The following RAPGEF2 variants were observed in gnomAD, a reference collection of about 807,000 sequenced individuals.
RAPGEF2 encodes PDZ domain containing guanine nucleotide exchange factor (GEF) 1.
A neutral mutation model predicts 186.7 loss-of-function variants in RAPGEF2; 54 were observed. The observed-to-expected ratio is 0.29, with a 90% CI of 0.23 to 0.36. The LOEUF (loss-of-function observed/expected upper bound fraction) is 0.36, where lower values mean the gene tolerates loss of function less well. RAPGEF2 is among the 10% of genes least tolerant of loss of function. The pLI is 1.00. For missense variants in RAPGEF2, 1,532 were observed against 2,045.0 expected, an observed-to-expected ratio of 0.75 and a Z score of 4.84; for synonymous variants, 712 against 705.9, an observed-to-expected ratio of 1.01 and a Z score of -0.14.
At chr4:159,260,851 T>C (rs890056254) in intron 7 of RAPGEF2, among the ~76,000 whole-genome samples, 1 of 152,044 alleles carries the variant, frequency 6.6e-6, no homozygotes, top group African/African-American at 2.4e-5. Context: ...CAGGTTCAAG[T>C]GATTCTCCTT....
intron 7 of RAPGEF2, among the ~76,000 whole-genome samples, chr4:159,297,455 T>C (rs1436787823): frequency 6.6e-6 from 1 of 152,220 alleles, no homozygotes; most frequent in Admixed American, 6.5e-5. Context: ...CAAGTTGTTA[T>C]CACTTTGAGA....
At chr4:159,344,933 C>G (rs1278875630) in intron 23 of RAPGEF2, among the ~76,000 whole-genome samples, 173 bp from the exon 24 acceptor site, 1 of 152,138 alleles carries the variant, frequency 6.6e-6, no homozygotes, top group African/African-American at 2.4e-5. Flanking sequence ...GTGTAATTTT[C>G]TTTAAATTTT....
chr4:159,131,519 A>ATTGGTTTTTTTTTTTTTTTTTTTTT, intron 1 of RAPGEF2, among the ~76,000 whole-genome samples: 1 of 37,212 alleles, frequency 2.7e-5, no homozygotes. Flanking sequence ...ATTAATTGCT[A>ATTGGTTTTTTTTTTTTTTTTTTTTT]TTTTTTTTTT....
intron 9 of RAPGEF2, among the ~76,000 whole-genome samples, chr4:159,315,808 C>A (rs1046101108): frequency 1.3e-5 from 2 of 152,116 alleles, no homozygotes; most frequent in Non-Finnish European, 2.9e-5. Flanking sequence ...TTTACTGCTG[C>A]GATCTAGAAG....
intron 1 of RAPGEF2, among the ~76,000 whole-genome samples, chr4:159,164,317 TTTC>T (rs1203443581): frequency 6.6e-6 from 1 of 151,896 alleles, no homozygotes; most frequent in African/African-American, 2.4e-5. Flanking sequence ...TTTTTTTTTT[TTTC>T]CTTCTTCTTC....
intron 1 of RAPGEF2, among the ~76,000 whole-genome samples, chr4:159,124,492 G>T (rs1740066422): frequency 6.6e-6 from 1 of 152,050 alleles, no homozygotes. Flanking sequence ...TGAGCCAAGA[G>T]CACACCACTG....
At chr4:159,131,860 C>T (rs1268327642) in intron 1 of RAPGEF2, among the ~76,000 whole-genome samples, 1 of 151,692 alleles carries the variant, frequency 6.6e-6, no homozygotes, top group Non-Finnish European at 1.5e-5. Flanking sequence ...CTTTGTAGGG[C>T]CATAGGTGGG....
intron 8 of RAPGEF2, among the ~76,000 whole-genome samples, chr4:159,309,074 A>G (rs1214182165): frequency 6.6e-6 from 1 of 152,164 alleles, no homozygotes; most frequent in Non-Finnish European, 1.5e-5. Flanking sequence ...TTCACCCAGG[A>G]CTGAAGTTTG....
chr4:159,320,234 A>G (rs575001315), intron 9 of RAPGEF2, among the ~76,000 whole-genome samples: 2 of 152,286 alleles, frequency 1.3e-5, no homozygotes, highest in South Asian at 4.2e-4. Flanking sequence ...ATTTGCCTTT[A>G]TAATGCAAAT....
At chr4:159,323,776 C>T (rs1259388953) in intron 11 of RAPGEF2, among the ~76,000 whole-genome samples, 159 bp downstream of exon 11, 10 of 147,596 alleles carry the variant, frequency 6.8e-5, no homozygotes, top group South Asian at 2.1e-4. Context: ...TGGAGTGCAG[C>T]GGCACAAGCT....
At chr4:159,115,071 C>CT (rs1264006631) in intron 1 of RAPGEF2, among the ~76,000 whole-genome samples, 1 of 152,086 alleles carries the variant, frequency 6.6e-6, no homozygotes, top group Non-Finnish European at 1.5e-5. Context: ...GTATCTATGC[C>CT]TTTACATTTA....
chr4:159,286,171 A>G (rs555844765), intron 7 of RAPGEF2, among the ~76,000 whole-genome samples: 100 of 151,684 alleles, frequency 6.6e-4, no homozygotes, highest in Non-Finnish European at 1.3e-4. Context: ...TGGGGTTGCC[A>G]TCTATGCACA....
intron 1 of RAPGEF2, among the ~76,000 whole-genome samples, chr4:159,166,104 G>A (rs1745282344): frequency 1.3e-5 from 2 of 152,038 alleles, no homozygotes; most frequent in South Asian, 4.1e-4. Flanking sequence ...CACAAGGTTG[G>A]GAGTTTGAAA....
At chr4:159,273,379 G>A (rs1350167673) in intron 7 of RAPGEF2, among the ~76,000 whole-genome samples, 4 of 152,300 alleles carry the variant, frequency 2.6e-5, no homozygotes, top group South Asian at 4.1e-4. Context: ...CTGCTTATAT[G>A]TGCTTTTTGT....
chr4:159,350,027 C>A, intron 25 of RAPGEF2, 110 bp from the exon 26 acceptor site: 1 of 622,258 alleles, frequency 1.6e-6, no homozygotes, highest in Non-Finnish European at 2.6e-6. Context: ...ATAGGTTGAA[C>A]CTCAGTGTAA....
intron 1 of RAPGEF2, among the ~76,000 whole-genome samples, chr4:159,111,341 T>G (rs1389702476): frequency 6.6e-6 from 1 of 152,252 alleles, no homozygotes; most frequent in Non-Finnish European, 1.5e-5. Context: ...TTCCGCTGGC[T>G]GTTGTTTCTC....
At chr4:159,332,291 G>T (rs1038143141) in intron 16 of RAPGEF2, among the ~76,000 whole-genome samples, 160 bp from the exon 17 acceptor site, 1 of 151,922 alleles carries the variant, frequency 6.6e-6, no homozygotes, top group Non-Finnish European at 1.5e-5. Context: ...CAGATTTGGC[G>T]TGATTCGTTT....
chr4:159,278,827 A>C (rs191031157), intron 7 of RAPGEF2, among the ~76,000 whole-genome samples: 35 of 152,356 alleles, frequency 2.3e-4, no homozygotes, highest in Middle Eastern at 6.8e-3. Flanking sequence ...AAAACCTATA[A>C]AGTACTTAGA....
At chr4:159,167,521 C>T (rs1393905939) in intron 1 of RAPGEF2, among the ~76,000 whole-genome samples, 1 of 152,196 alleles carries the variant, frequency 6.6e-6, no homozygotes, top group African/African-American at 2.4e-5. Context: ...GGGAAAGACC[C>T]AAGGGGAAGG....
Sources: allele counts gnomAD v4.1 joint callset (sites outside exome capture counted in the v4.1 genomes callset), GRCh38; gene constraint gnomAD v4.1.1; transcripts MANE v1.5; gene names NCBI Gene and HGNC (gene_info 2026-07-23, HGNC 2026-07-21).